KIF2C: variants seen among roughly 807,000 people sequenced by gnomAD.
The protein encoded by KIF2C is kinesin-like protein KIF2C.
In KIF2C, 34 loss-of-function variants were observed where a neutral mutation model predicts 97.4. The ratio of observed to expected loss-of-function variants is 0.35; its 90% CI spans 0.27 to 0.46. KIF2C has a LOEUF of 0.46. KIF2C is among the 20% of genes least tolerant of loss of function. The pLI, the probability that KIF2C is intolerant of heterozygous loss-of-function variation, is 1.00. For missense variants in KIF2C, 750 were observed against 907.6 expected, an observed-to-expected ratio of 0.83 and a Z score of 2.23; for synonymous variants, 313 against 318.2, an observed-to-expected ratio of 0.98 and a Z score of 0.17.
intron 2 of KIF2C, among the ~76,000 whole-genome samples, chr1:44,744,894 T>G (rs768936513): frequency 2.0e-5 from 3 of 148,354 alleles, no homozygotes; most frequent in Non-Finnish European, 4.4e-5. Flanking sequence ...CAGAGTGAGA[T>G]TCCGTCTAAA....
chr1:44,760,599 T>C lies in KIF2C; in HGVS notation c.1580T>C (p.Ile527Thr). ...NKSLLALKEC[I>T]RALGQNKAHT... Reference sequence around the variant, plus strand: ...TTCCTGCTGCCCCCACAGGAGTGCATCAGGGCCCTGGGACAGAACAAGGCT... The same window carrying C: ...TTCCTGCTGCCCCCACAGGAGTGCACCAGGGCCCTGGGACAGAACAAGGCT... The change falls in exon 16 of 21, where the codon ATC becomes ACC. Residue 527 changes from isoleucine (I) to threonine (T), a missense_variant. By Grantham distance (89) the Ile-to-Thr change is moderately conservative. Coordinates refer to ENST00000372224, the MANE Select transcript of KIF2C (RefSeq NM_006845.4). This position sits in a 1 kb window ranked among gnomAD's most constrained non-coding sequence, Gnocchi z 4.2. 1 of 1,613,898 alleles carries C rather than the reference T, an allele frequency of 6.2e-7. No homozygotes were observed.
At chr1:44,744,439 G>C (rs1649080854) in intron 2 of KIF2C, among the ~76,000 whole-genome samples, 1 of 152,024 alleles carries the variant, frequency 6.6e-6, no homozygotes, top group African/African-American at 2.4e-5. Context: ...CTTTTTCTTT[G>C]TACCACATAC....
At chr1:44,754,695 C>T (rs1326560486) in intron 7 of KIF2C, 55 bp from the exon 8 acceptor site, 1 of 1,020,486 alleles carries the variant, frequency 9.8e-7, no homozygotes, top group African/African-American at 1.6e-5. Flanking sequence ...GCATAGGGGT[C>T]TGAGAGCACT....
At chr1:44,747,289 CAG>C (rs1285834868) in intron 2 of KIF2C, 93 bp from the exon 3 acceptor site, 1 of 1,023,412 alleles carries the variant, frequency 9.8e-7, no homozygotes, top group Non-Finnish European at 1.5e-6. Context: ...GCCTGGGCGA[CAG>C]AGCGATACTC....
intron 16 of KIF2C, 54 bp from the exon 17 acceptor site, chr1:44,761,862 T>C: frequency 3.2e-6 from 5 of 1,542,586 alleles, no homozygotes; most frequent in Non-Finnish European, 4.5e-6. Flanking sequence ...GGACAGGCTA[T>C]ATAGCATCCT....
At chr1:44,745,899 C>T (rs529575250) in intron 2 of KIF2C, among the ~76,000 whole-genome samples, 12 of 150,636 alleles carry the variant, frequency 8.0e-5, no homozygotes, top group African/African-American at 2.0e-4. Flanking sequence ...TTTTTTGAGA[C>T]GGAGTCTCGC....
intron 19 of KIF2C, among the ~76,000 whole-genome samples, chr1:44,765,764 T>C (rs992020746): frequency 8.6e-5 from 13 of 151,560 alleles, no homozygotes; most frequent in Non-Finnish European, 1.8e-4. Context: ...TTAAAAAGAA[T>C]CATTTGACCG....
Position 44,757,974 on chromosome 1 carries a change from A to T in KIF2C, c.1132+3A>T, listed in dbSNP as rs1364945372. The T allele has an allele frequency of 1.2e-6, 2 of 1,614,022 alleles. No homozygotes were observed. Among genetic ancestry groups the T allele is most frequent in the Non-Finnish European group, 1.7e-6 (2 of 1,179,972 alleles). On this transcript the variant is annotated splice_donor_region_variant and intron_variant, in intron 12 of 20. Transcript: ENST00000372224. Reference sequence around the variant, plus strand: ...CAAAGGGATCTATGCCATGGCCTGTAAGTACTGTGTACTGCTGCTTCAGGG... The same window carrying T: ...CAAAGGGATCTATGCCATGGCCTGTTAGTACTGTGTACTGCTGCTTCAGGG...
At chr1:44,743,853 A>G (rs888301614) in intron 2 of KIF2C, among the ~76,000 whole-genome samples, 1 of 152,236 alleles carries the variant, frequency 6.6e-6, no homozygotes, top group Non-Finnish European at 1.5e-5. Flanking sequence ...AGAGATATTT[A>G]GGTGGTATAT....
At position 44,740,021 on chromosome 1, in the gene KIF2C, A is replaced by C. The variant is rs190135698; in HGVS notation, c.70+19A>C. ...AGTAATGGTGAGGAGCGGGGTCCCT[A>C]GGTCAAGGGGACTCGTGAGCGGTGA... On this transcript the variant is annotated intron_variant, in intron 1 of 20. Transcript: ENST00000372224. The C allele has an allele frequency of 1.3e-4, 214 of 1,614,072 alleles. 2 individuals carry two copies. In the African/African-American group the frequency reaches 2.4e-3, roughly 18 times the overall value.
At chr1:44,740,121 A>C (rs1648860265) in intron 1 of KIF2C, 119 bp downstream of exon 1, 1 of 1,168,232 alleles carries the variant, frequency 8.6e-7, no homozygotes, top group Non-Finnish European at 1.3e-6. Flanking sequence ...CCTCCTTTTC[A>C]CACGCACTCA....
intron 10 of KIF2C, among the ~76,000 whole-genome samples, chr1:44,757,171 C>T (rs1649888346): frequency 6.6e-6 from 1 of 152,180 alleles, no homozygotes; most frequent in Non-Finnish European, 1.5e-5. Context: ...CACACTTCGG[C>T]CTCCCAAAGT....
chr1:44,763,502 G>A (rs961857296), intron 19 of KIF2C, among the ~76,000 whole-genome samples: 13 of 152,182 alleles, frequency 8.5e-5, no homozygotes, highest in Admixed American at 3.3e-4. Context: ...AACAGGTGAT[G>A]GAGGGTAGTT....
chr1:44,757,410 G>T (rs1016502838), intron 10 of KIF2C, 146 bp from the exon 11 acceptor site: 2 of 622,090 alleles, frequency 3.2e-6, no homozygotes, highest in Non-Finnish European at 5.8e-6. Flanking sequence ...AGTGGGGTTG[G>T]GGTCAGGTGG....
intron 2 of KIF2C, among the ~76,000 whole-genome samples, chr1:44,745,017 C>T (rs1383277744): frequency 6.6e-6 from 1 of 151,968 alleles, no homozygotes. Context: ...TGGTAAAACC[C>T]TGTCTCTACT....
rs1250905075 is a variant in KIF2C, at chr1:44,754,790, T to C, written c.704T>C (p.Met235Thr). 6.2e-7 allele frequency: 1 copy of C among 1,613,692 alleles called. No homozygotes were observed. Among genetic ancestry groups the C allele is most frequent in the Admixed American group, 1.7e-5 (1 of 60,010 alleles). ...SSFPNWEFAR[M>T]IKEFRATLEC... ...TTTCCAAACTGGGAATTTGCCCGAATGATTAAAGAATTTCGGGCTACTTTG... is the reference window on the plus strand; with the variant it reads ...TTTCCAAACTGGGAATTTGCCCGAACGATTAAAGAATTTCGGGCTACTTTG... Residue 235 changes from methionine (M) to threonine (T), a missense_variant, in exon 8 of 21, where the codon ATG (methionine) becomes ACG (threonine). Physicochemically the swap from Met to Thr is moderately conservative, Grantham distance 81. Coordinates refer to ENST00000372224, the MANE Select transcript of KIF2C (RefSeq NM_006845.4).
In KIF2C at chr1:44,753,281, C is replaced by A. The variant is rs777451009; in HGVS notation, c.562+27C>A. On this transcript the variant is annotated intron_variant, in intron 6 of 20. Transcript: ENST00000372224. ...TAGACACACTGAGCTGTCTGCTGTT[C>A]TGCTTCTAGTGAGGCACAGATAGTT... The A allele has an allele frequency of 3.8e-6, 6 of 1,596,626 alleles. No individual in the cohort carries two copies. The Middle Eastern group carries it at 5.0e-4, about 133-fold the overall frequency.
At chr1:44,758,256 G>C in intron 13 of KIF2C, 116 bp downstream of exon 13, 3 of 832,236 alleles carry the variant, frequency 3.6e-6, no homozygotes, top group Non-Finnish European at 5.9e-6. Flanking sequence ...TCAAGCCACT[G>C]ATGGGCCATT....
chr1:44,739,992 A>G lies in KIF2C; in HGVS notation c.60A>G (p.Gln20=), dbSNP rs1434971628. The G allele has an allele frequency of 1.2e-6, 2 of 1,614,190 alleles. No individual in the cohort carries two copies. The highest frequency in any genetic ancestry group is 2.2e-5 in the South Asian group (2 of 91,086). Residue 20 remains glutamine (Q), a synonymous_variant, in exon 1 of 21, where the codon CAA becomes CAG. Transcript: ENST00000372224. ...RLFPGLAIKI[Q]RSNGLIHSAN... ...TTCCCGGTCTCGCTATCAAGATCCA[A>G]CGCAGTAATGGTGAGGAGCGGGGTC...
Sources: allele counts gnomAD v4.1 joint callset (sites outside exome capture counted in the v4.1 genomes callset), GRCh38; gene constraint gnomAD v4.1.1; non-coding constraint Gnocchi (gnomAD v3.1); transcripts MANE v1.5; gene names NCBI Gene and HGNC (gene_info 2026-07-23, HGNC 2026-07-21).